PTPRD: variants seen among roughly 807,000 people sequenced by gnomAD.
PTPRD encodes protein tyrosine phosphatase receptor type D.
A neutral mutation model predicts 214.5 loss-of-function variants in PTPRD; 34 were observed. The ratio of observed to expected loss-of-function variants is 0.16; its 90% CI spans 0.12 to 0.21. PTPRD has a LOEUF of 0.21. Ranked by LOEUF, PTPRD falls within the 10% of genes least tolerant of loss-of-function variation. PTPRD has a pLI of 1.00. For synonymous variants in PTPRD, 1,128 were observed against 845.7 expected (o/e 1.33, Z -5.79); for missense variants, 2,545 against 2,398.7 (o/e 1.06, Z -1.27).
intron 9 of PTPRD, among the ~76,000 whole-genome samples, chr9:9,333,957 G>A (rs1246074265): frequency 2.6e-5 from 4 of 151,856 alleles, no homozygotes; most frequent in East Asian, 1.9e-4. Flanking sequence ...AATGTCGTGC[G>A]TTCCACCAGA....
chr9:8,817,980 T>G (rs2096956598), intron 11 of PTPRD, among the ~76,000 whole-genome samples: 1 of 152,134 alleles, frequency 6.6e-6, no homozygotes, highest in South Asian at 2.1e-4. Context: ...AAACATAAAT[T>G]TTACAACCTG....
At chr9:10,289,530 G>C (rs989367533) in intron 3 of PTPRD, among the ~76,000 whole-genome samples, 1 of 152,206 alleles carries the variant, frequency 6.6e-6, no homozygotes, top group African/African-American at 2.4e-5. Context: ...TGAAAGATGA[G>C]TGAAAATAAC....
intron 2 of PTPRD, among the ~76,000 whole-genome samples, chr9:10,596,317 TTA>T (rs922182639): frequency 2.0e-5 from 3 of 151,666 alleles, no homozygotes; most frequent in Non-Finnish European, 3.0e-5. Flanking sequence ...CCAAAGAATT[TTA>T]TGTCTATAGT....
At chr9:9,262,909 A>G (rs1293886008) in intron 9 of PTPRD, among the ~76,000 whole-genome samples, 1 of 151,566 alleles carries the variant, frequency 6.6e-6, no homozygotes, top group Non-Finnish European at 1.5e-5. Context: ...TATTCATCTT[A>G]CTTAGAGTTC....
At chr9:10,141,661 A>C (rs2098986163) in intron 3 of PTPRD, among the ~76,000 whole-genome samples, 2 of 152,064 alleles carry the variant, frequency 1.3e-5, no homozygotes, top group African/African-American at 4.8e-5. Context: ...AATATCGTGA[A>C]AATGGCCATA....
chr9:9,963,758 G>C (rs1291653596), intron 4 of PTPRD, among the ~76,000 whole-genome samples: 1 of 152,096 alleles, frequency 6.6e-6, no homozygotes, highest in East Asian at 1.9e-4. Flanking sequence ...GATATATGAA[G>C]AGATGAACTT....
At chr9:9,844,890 C>T (rs2059124244) in intron 5 of PTPRD, among the ~76,000 whole-genome samples, 1 of 151,058 alleles carries the variant, frequency 6.6e-6, no homozygotes, top group Admixed American at 6.6e-5. Flanking sequence ...AAAAGAAATT[C>T]CCAGGCTTGT....
intron 14 of PTPRD, among the ~76,000 whole-genome samples, chr9:8,600,660 C>T (rs1213416251): frequency 1.3e-5 from 2 of 151,742 alleles, no homozygotes; most frequent in South Asian, 2.1e-4. Context: ...CATCTTTGGC[C>T]AGAAGGGAAC....
At chr9:9,862,392 C>T (rs960846350) in intron 5 of PTPRD, among the ~76,000 whole-genome samples, 10 of 152,272 alleles carry the variant, frequency 6.6e-5, no homozygotes, top group South Asian at 6.2e-4. Context: ...AACTAACTGC[C>T]GTATATCCAA....
At chr9:8,485,361 C>G (rs1386798266) in intron 28 of PTPRD, 37 bp from the exon 29 acceptor site, 7 of 1,456,622 alleles carry the variant, frequency 4.8e-6, no homozygotes, top group Admixed American at 1.7e-5. Context: ...TTAAACTATT[C>G]TTAAAACAGA....
At chr9:9,611,294 T>TTTAATATG (rs2094498536) in intron 7 of PTPRD, among the ~76,000 whole-genome samples, 1 of 152,172 alleles carries the variant, frequency 6.6e-6, no homozygotes, top group Non-Finnish European at 1.5e-5. Flanking sequence ...ACGCAAATGA[T>TTTAATATG]TTAATATGTT....
rs779261164 is a variant in PTPRD, at chr9:9,638,831, G to A, written c.-286-64050C>T. Among the ~76,000 whole-genome samples, 9 of 152,252 alleles carry A rather than the reference G, an allele frequency of 5.9e-5. No individual in the cohort carries two copies. The South Asian group carries it at 1.2e-3, about 21-fold the overall frequency. On this transcript the variant is annotated intron_variant, in intron 7 of 45. Coordinates refer to ENST00000381196, the MANE Select transcript of PTPRD (RefSeq NM_002839.4). ...CTGGCAGATTTGGTGTCTGGTGAGG[G>A]TCTGGTCCTGGCTTCCGAGATGTTG... is the stretch of plus-strand genomic sequence containing the variant.
At chr9:9,534,920 G>A (rs1281167198) in intron 8 of PTPRD, among the ~76,000 whole-genome samples, 1 of 151,998 alleles carries the variant, frequency 6.6e-6, no homozygotes, top group Non-Finnish European at 1.5e-5. Context: ...TCTGCTGTGT[G>A]CTTACTGTGC....
chr9:8,733,153 A>T (rs1233390551), intron 12 of PTPRD, among the ~76,000 whole-genome samples: 4 of 152,198 alleles, frequency 2.6e-5, no homozygotes, highest in African/African-American at 9.6e-5. Context: ...ATGGACCACA[A>T]TAGCAGTTTC....
intron 41 of PTPRD, 61 bp downstream of exon 41, chr9:8,341,029 T>C (rs1015233700): frequency 1.4e-6 from 2 of 1,446,550 alleles, no homozygotes; most frequent in South Asian, 1.5e-5. Flanking sequence ...ATTCTGGTTA[T>C]TAAACTAGGG....
intron 10 of PTPRD, among the ~76,000 whole-genome samples, chr9:9,145,847 C>T (rs982999071): frequency 1.3e-5 from 2 of 152,122 alleles, no homozygotes; most frequent in Admixed American, 1.3e-4. Context: ...GCAAAAGATA[C>T]CTGACAATGG....
chr9:8,733,002 C>A (rs1375992260), intron 12 of PTPRD, among the ~76,000 whole-genome samples: 4 of 152,164 alleles, frequency 2.6e-5, no homozygotes, highest in African/African-American at 9.7e-5. Context: ...TCAGGGAGTA[C>A]AAGGCCGAGA....
At chr9:10,123,166 A>G (rs2098790151) in intron 3 of PTPRD, among the ~76,000 whole-genome samples, 1 of 152,236 alleles carries the variant, frequency 6.6e-6, no homozygotes, top group Non-Finnish European at 1.5e-5. Flanking sequence ...TCCCTGAAGC[A>G]AAAAAGATAT....
chr9:9,188,141 T>C (rs912116438), intron 9 of PTPRD, among the ~76,000 whole-genome samples: 1 of 152,044 alleles, frequency 6.6e-6, no homozygotes, highest in South Asian at 2.1e-4. Flanking sequence ...TTGAACGTTA[T>C]GTAAATGTAA....
Sources: gnomAD v4.1 joint callset for allele counts (sites outside exome capture counted in the v4.1 genomes callset) on GRCh38, gnomAD v4.1.1 for gene constraint, MANE v1.5 for transcripts, NCBI Gene and HGNC (gene_info 2026-07-23, HGNC 2026-07-21) for gene names.